The following PBLD variants were observed in gnomAD, a reference collection of about 807,000 sequenced individuals.
PBLD encodes phenazine biosynthesis like protein domain containing.
Under a neutral mutation model 31.3 loss-of-function variants are expected in PBLD, and 26 were observed. That is an observed-to-expected ratio of 0.83 (90% confidence interval 0.61 to 1.15). The LOEUF (loss-of-function observed/expected upper bound fraction) is 1.15. Among genes scored for constraint, PBLD ranks in the 50% most tolerant of loss-of-function variants. The probability of loss-of-function intolerance (pLI) is 0.00; values close to 1 mark genes in which losing one functional copy is unlikely to be tolerated. For missense variants in PBLD, 307 were observed against 351.7 expected (o/e 0.87, Z 1.02); for synonymous variants, 114 against 129.0 (o/e 0.88, Z 0.79).
intron 1 of PBLD, among the ~76,000 whole-genome samples, chr10:68,308,921 C>T (rs1387939114): frequency 1.4e-5 from 2 of 146,642 alleles, no homozygotes; most frequent in Non-Finnish European, 3.0e-5. Context: ...GAATTTTAAT[C>T]TTGGTTCCAT....
At chr10:68,309,406 CAAAA>C (rs58152894) in intron 1 of PBLD, among the ~76,000 whole-genome samples, 9 of 114,722 alleles carry the variant, frequency 7.8e-5, no homozygotes, top group South Asian at 3.2e-4. Context: ...GATTATGTTT[CAAAA>C]AAAAAAAAAA....
At chr10:68,296,231 C>A in intron 4 of PBLD, 35 bp downstream of exon 4, 1 of 1,482,452 alleles carries the variant, frequency 6.7e-7, no homozygotes, top group Non-Finnish European at 9.2e-7. Flanking sequence ...AAGCCATTTG[C>A]TAAGTGTTAG....
At chr10:68,324,382 G>A (rs1440691547) in intron 1 of PBLD, among the ~76,000 whole-genome samples, 6 of 151,942 alleles carry the variant, frequency 3.9e-5, no homozygotes, top group South Asian at 2.1e-4. Context: ...TCACCATGTT[G>A]GCCAGGATGG....
intron 1 of PBLD, among the ~76,000 whole-genome samples, chr10:68,327,004 G>A (rs1350578843): frequency 1.3e-5 from 2 of 151,934 alleles, no homozygotes; most frequent in Non-Finnish European, 1.5e-5. Flanking sequence ...CTGAGATCGC[G>A]CCACTGCACT....
intron 2 of PBLD, among the ~76,000 whole-genome samples, chr10:68,302,652 G>A (rs2044519267): frequency 6.6e-6 from 1 of 152,026 alleles, no homozygotes; most frequent in Admixed American, 6.6e-5. Flanking sequence ...AGACCAGCCT[G>A]GGCAACATAG....
At position 68,283,814 on chromosome 10, in the gene PBLD, C is replaced by G. The variant is rs187031305; in HGVS notation, c.*363G>C. 1 of 228,416 alleles carries G rather than the reference C, an allele frequency of 4.4e-6. No individual in the cohort carries two copies. Among genetic ancestry groups the G allele is most frequent in the Non-Finnish European group, 8.7e-6 (1 of 114,390 alleles). The allele number at this position is 228,416 out of a possible 1,614,324, so 14.1% of individuals were successfully genotyped here. On this transcript the variant is annotated 3_prime_UTR_variant, in exon 10 of 10. Transcript: ENST00000358769. The stretch of plus-strand genomic sequence containing the variant: ...AGGCTGGAGTGCAGTGGTGTGATCT[C>G]TGCTCACTGCAACTTCTGCCTCCTG...
chr10:68,297,078 CAAT>C, intron 2 of PBLD, 93 bp from the exon 3 acceptor site: 3 of 978,360 alleles, frequency 3.1e-6, no homozygotes, highest in Non-Finnish European at 4.8e-6. Flanking sequence ...AGCAGTTTAG[CAAT>C]AATAAGAGTT....
At position 68,289,253 on chromosome 10, in the gene PBLD, T is replaced by G. The variant is rs2044326535; in HGVS notation, c.424-234A>C. 3.3e-5 allele frequency among the ~76,000 whole-genome samples: 5 copies of G among 151,988 alleles called. No homozygotes were observed. In the South Asian group the frequency reaches 1.0e-3, roughly 32 times the overall value. The stretch of plus-strand genomic sequence containing the variant: ...CCTCAAAACAGGCATTGTGGCCAGG[T>G]GCAGTGGCTCACACCTGTAATCCCA... On this transcript the variant is annotated intron_variant, in intron 6 of 9. Transcript: ENST00000358769.
chr10:68,285,366 C>A lies in PBLD; in HGVS notation c.736G>T (p.Gly246Trp). ...VLSSYWSQHL[G>W]KKEMHAFQCS... ...GTCCTACCATGCATTTCTTTCTTCC[C>A]CAGATGCTGGGACCAGTAGCTGCTG... The change falls in exon 9 of 10, where the codon GGG becomes TGG. Residue 246 changes from glycine to tryptophan, a missense_variant. Coordinates refer to ENST00000358769, the MANE Select transcript of PBLD (RefSeq NM_022129.4). 1.2e-6 allele frequency: 2 copies of A among 1,614,030 alleles called. No homozygotes were observed. The highest frequency in any genetic ancestry group is 1.7e-6 in the Non-Finnish European group (2 of 1,179,960).
Position 68,306,789 on chromosome 10 carries a change from T to G in PBLD, c.56A>C (p.Asn19Thr). 1 of 1,612,118 alleles carries G rather than the reference T, an allele frequency of 6.2e-7. No homozygotes were observed. The highest frequency in any genetic ancestry group is 8.5e-7 in the Non-Finnish European group (1 of 1,178,646). ...DAFTARAFRG[N>T]PAAVCLLENE... ...TTCTAGGAGGCAAACAGCAGCAGGA[T>G]TCCCACGAAATGCTCTTGCTGTGAA... is the stretch of plus-strand genomic sequence containing the variant. The change falls in exon 2 of 10, where the codon AAT (asparagine) becomes ACT (threonine). Residue 19 changes from asparagine (N) to threonine (T), a missense_variant. Asn to Thr is a moderately conservative substitution (Grantham distance 65, BLOSUM62 0). Coordinates refer to ENST00000358769, the MANE Select transcript of PBLD (RefSeq NM_022129.4).
chr10:68,318,152 G>A (rs549683216), intron 1 of PBLD, among the ~76,000 whole-genome samples: 56 of 149,568 alleles, frequency 3.7e-4, no homozygotes, highest in African/African-American at 1.3e-3. Context: ...GTGAGAACCT[G>A]GGAGGCGGAG....
intron 1 of PBLD, among the ~76,000 whole-genome samples, chr10:68,329,238 T>C (rs1027314177): frequency 7.2e-5 from 11 of 152,152 alleles, no homozygotes; most frequent in Admixed American, 7.2e-4. Flanking sequence ...GCAAAAGGAA[T>C]GTGTAAACCA....
Position 68,310,846 on chromosome 10 carries a change from G to A in PBLD, c.-59-3943C>T, listed in dbSNP as rs536066261. On this transcript the variant is annotated intron_variant, in intron 1 of 9. Coordinates refer to ENST00000358769, the MANE Select transcript of PBLD (RefSeq NM_022129.4). The stretch of plus-strand genomic sequence containing the variant: ...ATAGACACTCCTCTACTTTTGATGG[G>A]GTTACATCTCAATAAACCCATCATA... Among the ~76,000 whole-genome samples the A allele has an allele frequency of 8.7e-4, 120 of 137,744 alleles. 6 individuals carry two copies. Among genetic ancestry groups the A allele is most frequent in the African/African-American group, 3.0e-3 (111 of 36,844 alleles). 90.4% of individuals were successfully genotyped at this position (137,744 alleles called of 152,430 possible).
At chr10:68,304,560 T>G (rs1354756832) in intron 2 of PBLD, among the ~76,000 whole-genome samples, 1 of 151,952 alleles carries the variant, frequency 6.6e-6, no homozygotes, top group Non-Finnish European at 1.5e-5. Flanking sequence ...AACGGAGAGA[T>G]AGGTAGAAAG....
At chr10:68,330,399 A>G (rs924371532) in intron 1 of PBLD, among the ~76,000 whole-genome samples, 2 of 152,160 alleles carry the variant, frequency 1.3e-5, no homozygotes, top group African/African-American at 4.8e-5. Context: ...AGGCTTCCCA[A>G]TGTCTGTACC....
chr10:68,291,342 T>C (rs2044356174), intron 6 of PBLD, among the ~76,000 whole-genome samples: 1 of 152,200 alleles, frequency 6.6e-6, no homozygotes. Flanking sequence ...TCATCATTAA[T>C]ATTATTAAGC....
intron 6 of PBLD, 89 bp from the exon 7 acceptor site, chr10:68,289,108 T>A: frequency 1.0e-6 from 1 of 981,634 alleles, no homozygotes; most frequent in Non-Finnish European, 1.6e-6. Flanking sequence ...TCATTGAGCA[T>A]CCACTGTGAG....
chr10:68,332,794 G>C lies in PBLD; in HGVS notation c.-70C>G, dbSNP rs1457894520. The C allele has an allele frequency of 1.3e-5, 2 of 152,300 alleles. No homozygotes were observed. The highest frequency in any genetic ancestry group is 1.3e-4 in the Admixed American group (2 of 15,290). 9.4% of individuals were successfully genotyped at this position (152,300 alleles called of 1,614,324 possible). A position where few individuals can be genotyped will look rare whatever the true frequency, so the allele number is the denominator to read the frequency against. On this transcript the variant is annotated 5_prime_UTR_variant, in exon 1 of 10. Transcript: ENST00000358769. ...TCTCGGCAGGGCTACCTGGGCTGAC[G>C]GGACTGCGAGTGACTTCTGACGCAG...
Position 68,289,035 on chromosome 10 carries a change from A to G in PBLD, c.424-16T>C. The stretch of plus-strand genomic sequence containing the variant: ...CTATGGCAGTCTGTGGAGACAGACC[A>G]AAAACTCCTCAGGGACATGCCCTGG... On this transcript the variant is annotated splice_polypyrimidine_tract_variant and intron_variant, in intron 6 of 9. Transcript: ENST00000358769. 1 of 1,599,260 alleles carries G rather than the reference A, an allele frequency of 6.3e-7. No homozygotes were observed. Among genetic ancestry groups the G allele is most frequent in the South Asian group, 1.1e-5 (1 of 90,638 alleles).
Sources: gnomAD v4.1 joint callset for allele counts (sites outside exome capture counted in the v4.1 genomes callset) on GRCh38, gnomAD v4.1.1 for gene constraint, MANE v1.5 for transcripts, NCBI Gene and HGNC (gene_info 2026-07-23, HGNC 2026-07-21) for gene names.